The following DPP10 variants were observed in gnomAD, a reference collection of about 807,000 sequenced individuals.
DPP10 encodes dipeptidyl peptidase like 10.
A neutral mutation model predicts 120.9 loss-of-function variants in DPP10; 33 were observed. The observed-to-expected ratio is 0.27, with a 90% CI of 0.21 to 0.37. The LOEUF (loss-of-function observed/expected upper bound fraction) is 0.37, where lower values mean the gene tolerates loss of function less well. DPP10 is among the 10% of genes least tolerant of loss of function. The pLI, the probability that DPP10 is intolerant of heterozygous loss-of-function variation, is 1.00. For synonymous variants in DPP10, 337 were observed against 326.1 expected (o/e 1.03, Z -0.36); for missense variants, 816 against 942.8 (o/e 0.87, Z 1.76).
At chr2:115,430,556 C>A (rs1406058063) in intron 3 of DPP10, among the ~76,000 whole-genome samples, 2 of 151,878 alleles carry the variant, frequency 1.3e-5, no homozygotes, top group Non-Finnish European at 2.9e-5. Flanking sequence ...CAGCTATGTA[C>A]CAGAAATAAA....
intron 1 of DPP10, among the ~76,000 whole-genome samples, chr2:114,698,133 T>G (rs1396055472): frequency 6.6e-6 from 1 of 152,078 alleles, no homozygotes; most frequent in Non-Finnish European, 1.5e-5. Context: ...CCCCACAGCA[T>G]GAATTAACCT....
chr2:114,904,744 G>A (rs1349129398), intron 1 of DPP10, among the ~76,000 whole-genome samples: 1 of 152,158 alleles, frequency 6.6e-6, no homozygotes, highest in East Asian at 1.9e-4. Context: ...AATTTCACAG[G>A]ATGAGTAGAT....
At chr2:114,628,768 G>A (rs189947761) in intron 1 of DPP10, among the ~76,000 whole-genome samples, 20 of 152,252 alleles carry the variant, frequency 1.3e-4, no homozygotes, top group Admixed American at 9.2e-4. Context: ...ATGGGCGAAC[G>A]AACGGCTGTC....
intron 5 of DPP10, among the ~76,000 whole-genome samples, chr2:115,664,713 A>C (rs995954563): frequency 2.0e-5 from 3 of 152,100 alleles, no homozygotes; most frequent in Non-Finnish European, 4.4e-5. Flanking sequence ...CTCTTACCCC[A>C]ACTGGGTTCA....
chr2:114,504,085 T>C (rs1221698040), intron 1 of DPP10, among the ~76,000 whole-genome samples: 1 of 152,198 alleles, frequency 6.6e-6, no homozygotes, highest in Non-Finnish European at 1.5e-5. Context: ...TCACAGTAAG[T>C]AGCTGTAGTC....
At chr2:114,496,896 C>A (rs1055012750) in intron 1 of DPP10, among the ~76,000 whole-genome samples, 1 of 151,822 alleles carries the variant, frequency 6.6e-6, no homozygotes, top group African/African-American at 2.4e-5. Flanking sequence ...TCTCCTCCAG[C>A]CTCTAATAGG....
At chr2:115,815,368 G>A (rs1170110810) in intron 20 of DPP10, among the ~76,000 whole-genome samples, 1 of 152,040 alleles carries the variant, frequency 6.6e-6, no homozygotes, top group Non-Finnish European at 1.5e-5. Context: ...AAAGTTAGTG[G>A]GTTCTTTATA....
chr2:114,538,312 C>T (rs1686682274), intron 1 of DPP10, among the ~76,000 whole-genome samples: 1 of 152,116 alleles, frequency 6.6e-6, no homozygotes, highest in Non-Finnish European at 1.5e-5. Flanking sequence ...CCATGTAACA[C>T]AGACTACTCT....
intron 1 of DPP10, among the ~76,000 whole-genome samples, chr2:114,890,964 C>T (rs1692491948): frequency 6.6e-6 from 1 of 152,102 alleles, no homozygotes; most frequent in Non-Finnish European, 1.5e-5. Flanking sequence ...TGTTGCTCCA[C>T]ATAGGAAAAC....
intron 1 of DPP10, among the ~76,000 whole-genome samples, chr2:115,302,328 A>G (rs1559389425): frequency 6.6e-6 from 1 of 152,022 alleles, no homozygotes; most frequent in Non-Finnish European, 1.5e-5. Flanking sequence ...CAATAATCGT[A>G]ATTATTGGGG....
chr2:115,720,072 G>GAGTC (rs1322712483), intron 7 of DPP10, among the ~76,000 whole-genome samples: 1 of 152,152 alleles, frequency 6.6e-6, no homozygotes, highest in Admixed American at 6.5e-5. Context: ...TGGAGTTGCT[G>GAGTC]AGTCAGACCT....
chr2:115,196,743 A>T (rs535900615), intron 1 of DPP10, among the ~76,000 whole-genome samples: 3 of 152,300 alleles, frequency 2.0e-5, no homozygotes, highest in African/African-American at 7.2e-5. Flanking sequence ...GGCATTCATG[A>T]ATCCTTTGGA....
chr2:114,787,707 C>A (rs539260761), intron 1 of DPP10, among the ~76,000 whole-genome samples: 1 of 152,330 alleles, frequency 6.6e-6, no homozygotes, highest in Admixed American at 6.5e-5. Context: ...CAAAACCTCT[C>A]TTTCTGCCTA....
chr2:115,007,005 T>G (rs978968943), intron 1 of DPP10, among the ~76,000 whole-genome samples: 1 of 151,830 alleles, frequency 6.6e-6, no homozygotes, highest in African/African-American at 2.4e-5. Context: ...GAACAGAAAT[T>G]ATAACAAACT....
rs533919042 is a variant in DPP10, at chr2:115,178,461, A to G, written c.61-130778A>G. Among the ~76,000 whole-genome samples, 12 of 152,330 alleles carry G rather than the reference A, an allele frequency of 7.9e-5. No individual in the cohort carries two copies. In the South Asian group the frequency reaches 1.7e-3, roughly 21 times the overall value. ...ACACAGTGTTCTAATGAGCATTATT[A>G]CTACCACGACTACTATGAATACCAC... is the stretch of plus-strand genomic sequence containing the variant. On this transcript the variant is annotated intron_variant, in intron 1 of 25. Coordinates refer to ENST00000410059, the MANE Select transcript of DPP10 (RefSeq NM_020868.6).
At chr2:115,694,281 G>A (rs1304113297) in intron 7 of DPP10, among the ~76,000 whole-genome samples, 1 of 151,954 alleles carries the variant, frequency 6.6e-6, no homozygotes, top group Non-Finnish European at 1.5e-5. Context: ...AATTAGTTTT[G>A]CATTAAATAA....
chr2:115,659,290 C>T (rs2088686563), intron 5 of DPP10, among the ~76,000 whole-genome samples: 1 of 152,044 alleles, frequency 6.6e-6, no homozygotes, highest in East Asian at 1.9e-4. Context: ...TCTGGTATAG[C>T]AGCACAAGTG....
chr2:114,640,727 G>A (rs754751574), intron 1 of DPP10, among the ~76,000 whole-genome samples: 4 of 151,896 alleles, frequency 2.6e-5, no homozygotes, highest in Non-Finnish European at 5.9e-5. Flanking sequence ...AAGAAGGAGG[G>A]AGAAAACTCT....
chr2:114,472,216 C>G (rs1382638596), intron 1 of DPP10, among the ~76,000 whole-genome samples: 1 of 152,136 alleles, frequency 6.6e-6, no homozygotes, highest in Non-Finnish European at 1.5e-5. Flanking sequence ...ATTAGTGGTG[C>G]AAGTTGGAGC....
Sources: gnomAD v4.1 joint callset for allele counts (sites outside exome capture counted in the v4.1 genomes callset) on GRCh38, gnomAD v4.1.1 for gene constraint, MANE v1.5 for transcripts, NCBI Gene and HGNC (gene_info 2026-07-23, HGNC 2026-07-21) for gene names.